The following PLCB3 variants were observed in gnomAD, a reference collection of about 807,000 sequenced individuals.
The protein encoded by PLCB3 is 1-phosphatidylinositol 4,5-bisphosphate phosphodiesterase beta-3.
In PLCB3, 54 loss-of-function variants were observed where a neutral mutation model predicts 152.1. The ratio of observed to expected loss-of-function variants is 0.36; its 90% CI spans 0.29 to 0.45. The LOEUF (loss-of-function observed/expected upper bound fraction) is 0.45, where lower values mean the gene tolerates loss of function less well. Among genes scored for constraint, PLCB3 ranks in the 20% least tolerant of loss-of-function variants. The pLI is 1.00. For missense variants in PLCB3, 1,248 were observed against 1,687.5 expected (o/e 0.74, Z 4.56); for synonymous variants, 717 against 698.7 (o/e 1.03, Z -0.41).
At position 64,255,639 on chromosome 11, in the gene PLCB3, C is replaced by CCGGGGGG; in HGVS notation, c.597+23_597+24insCGGGGGG. ...CGGGTGTGTGGGGTGGGGACAGGGG[C>CCGGGGGG]GGGGTGGGGTGTCACGGTGGGCACC... On this transcript the variant is annotated intron_variant, in intron 7 of 30. Transcript: ENST00000279230. The surrounding 1 kb of genome is among the most constrained non-coding windows in gnomAD (Gnocchi z 6.8). 9.3e-6 allele frequency: 6 copies of CCGGGGGG among 645,416 alleles called. No homozygotes were observed. Among genetic ancestry groups the CCGGGGGG allele is most frequent in the Non-Finnish European group, 1.6e-5 (6 of 370,668 alleles). 40.0% of individuals were successfully genotyped at this position (645,416 alleles called of 1,614,324 possible).
chr11:64,254,560 T>G, intron 2 of PLCB3, 68 bp downstream of exon 2: 1 of 1,494,850 alleles, frequency 6.7e-7, no homozygotes, highest in Non-Finnish European at 9.3e-7. Flanking sequence ...GCCCTGCCCG[T>G]GGGGGTGGGG....
At chr11:64,259,297 T>G (rs1309191513) in intron 13 of PLCB3, 53 bp downstream of exon 13, 1 of 1,357,108 alleles carries the variant, frequency 7.4e-7, no homozygotes, top group Non-Finnish European at 9.8e-7. Context: ...TCTGGCCTCA[T>G]GCTCCAGGCG....
rs764088746 is a variant in PLCB3, at chr11:64,256,757, T to C, written c.1005T>C (p.Tyr335=). ...TCATCAACTCCTCGCATAACACCTA[T>C]CTCACTGGTGAGTGGGGAGCAAGGG... ...AYFINSSHNT[Y]LTAGQLAGTS... The change falls in exon 10 of 31, where the codon TAT becomes TAC. Residue 335 remains tyrosine, a synonymous_variant. Transcript: ENST00000279230. The C allele has an allele frequency of 2.4e-5, 39 of 1,614,006 alleles. No individual in the cohort carries two copies. In the East Asian group the frequency reaches 8.7e-4, roughly 36 times the overall value.
At chr11:64,253,677 T>G (rs561662638) in intron 1 of PLCB3, among the ~76,000 whole-genome samples, 91 of 152,100 alleles carry the variant, frequency 6.0e-4, no homozygotes, top group Non-Finnish European at 8.1e-4. Flanking sequence ...GTGGCCCTGG[T>G]AGTGTGCCAG....
rs1010470631 is a variant in PLCB3 at position 64,264,063 on chromosome 11, T to C, written c.2603T>C (p.Leu868Pro). 9.0e-6 allele frequency: 14 copies of C among 1,563,788 alleles called. No homozygotes were observed. The highest frequency in any genetic ancestry group is 1.4e-5 in the African/African-American group (1 of 72,922). Residue 868 changes from leucine (L) to proline (P), a missense_variant, in exon 22 of 31, where the codon CTG (leucine) becomes CCG (proline). Around this residue, in one of 6 missense-constraint regions of PLCB3, gnomAD observed 244 missense variants for 424.4 expected, o/e 0.57. Coordinates refer to ENST00000279230, the MANE Select transcript of PLCB3 (RefSeq NM_000932.5). ...ALINPIKHVS[L>P]MDQRARQLAA... Reference sequence around the variant, plus strand: ...ATCAACCCCATTAAGCACGTCAGCCTGATGGACCAGAGGGCCCGGCAGCTG... The same window carrying C: ...ATCAACCCCATTAAGCACGTCAGCCCGATGGACCAGAGGGCCCGGCAGCTG...
chr11:64,261,555 A>G, intron 15 of PLCB3, 26 bp from the exon 16 acceptor site: 2 of 1,613,390 alleles, frequency 1.2e-6, no homozygotes, highest in Non-Finnish European at 8.5e-7. Flanking sequence ...GCCAGGTCTG[A>G]CGCCCTTTCT....
chr11:64,267,319 G>A lies in PLCB3; in HGVS notation c.3502-34G>A, dbSNP rs752585264. 6.5e-7 allele frequency: 1 copy of A among 1,550,252 alleles called. No homozygotes were observed. Among genetic ancestry groups the A allele is most frequent in the Non-Finnish European group, 8.7e-7 (1 of 1,146,492 alleles). ...GGGCAGACGGGGTGCAAGGCAGCCAGGCCTCGCCTGTGATGCCCATCCTTC... is the reference window on the plus strand; with the variant it reads ...GGGCAGACGGGGTGCAAGGCAGCCAAGCCTCGCCTGTGATGCCCATCCTTC... On this transcript the variant is annotated intron_variant, in intron 30 of 30. Coordinates refer to ENST00000279230, the MANE Select transcript of PLCB3 (RefSeq NM_000932.5). This position sits in a 1 kb window ranked among gnomAD's most constrained non-coding sequence, Gnocchi z 5.2.
rs370354038 is a variant in PLCB3 at position 64,263,473 on chromosome 11, G to A, written c.2356-25G>A. 7.0e-5 allele frequency: 105 copies of A among 1,504,030 alleles called. No homozygotes were observed. In the East Asian group the frequency reaches 7.1e-4, roughly 10 times the overall value. 93.2% of individuals were successfully genotyped at this position (1,504,030 alleles called of 1,614,324 possible). A position where few individuals can be genotyped will look rare whatever the true frequency, so the allele number is the denominator to read the frequency against. On this transcript the variant is annotated intron_variant, in intron 19 of 30. Coordinates refer to ENST00000279230, the MANE Select transcript of PLCB3 (RefSeq NM_000932.5). ...CACAGTGGCCCAGGGTCAGCCCTGT[G>A]GCTCAGCTCCAGTCTGGCCCACAGG...
Position 64,267,173 on chromosome 11 carries a change from C to A in PLCB3, c.3415-12C>A. ...CAGGGCCCCTCAGCTGAGCCCTTGC[C>A]CACCCCTGTAGCTGGAGGAGGCCCA... On this transcript the variant is annotated splice_polypyrimidine_tract_variant and intron_variant, in intron 29 of 30. Transcript: ENST00000279230. The surrounding 1 kb of genome is among the most constrained non-coding windows in gnomAD (Gnocchi z 5.2). 1 of 1,549,472 alleles carries A rather than the reference C, an allele frequency of 6.5e-7. No homozygotes were observed. Among genetic ancestry groups the A allele is most frequent in the Non-Finnish European group, 8.7e-7 (1 of 1,146,800 alleles).
In PLCB3 at chr11:64,266,848, G is replaced by A. The variant is rs900686825; in HGVS notation, c.3414+296G>A. On this transcript the variant is annotated intron_variant, in intron 29 of 30. Coordinates refer to ENST00000279230, the MANE Select transcript of PLCB3 (RefSeq NM_000932.5). The surrounding 1 kb of genome is among the most constrained non-coding windows in gnomAD (Gnocchi z 4.9). ...AGAGTCTCACTCTGTCGCCCAGGCT[G>A]GAGTGCAGTGGCGCGATCTTGGCTC... 2.0e-4 allele frequency among the ~76,000 whole-genome samples: 30 copies of A among 151,894 alleles called. No individual in the cohort carries two copies. The highest frequency in any genetic ancestry group is 7.0e-4 in the African/African-American group (29 of 41,322).
chr11:64,256,888 G>C (rs940706512), intron 10 of PLCB3, 124 bp downstream of exon 10: 1 of 1,112,666 alleles, frequency 9.0e-7, no homozygotes, highest in African/African-American at 1.5e-5. Flanking sequence ...TGGGGATGCA[G>C]GCAGGGAACA....
intron 1 of PLCB3, among the ~76,000 whole-genome samples, chr11:64,253,405 G>A (rs576849247): frequency 6.8e-4 from 103 of 152,346 alleles, no homozygotes; most frequent in African/African-American, 2.4e-3. Context: ...TTGTGTGCTC[G>A]AAGATGCTAG....
chr11:64,256,368 C>A lies in PLCB3; in HGVS notation c.699-8C>A. The A allele has an allele frequency of 7.4e-6, 12 of 1,612,198 alleles. No homozygotes were observed. The highest frequency in any genetic ancestry group is 1.0e-5 in the Non-Finnish European group (12 of 1,179,508). On this transcript the variant is annotated splice_region_variant and splice_polypyrimidine_tract_variant and intron_variant, in intron 8 of 30. Transcript: ENST00000279230. ...CTCCATCCTGACCCAGCTTCCTGTC[C>A]CCTCCAGAGGCGCCAAGGGCAAGCC...
intron 1 of PLCB3, among the ~76,000 whole-genome samples, chr11:64,253,562 C>G (rs1338282327): frequency 6.6e-6 from 1 of 152,192 alleles, no homozygotes; most frequent in Non-Finnish European, 1.5e-5. Flanking sequence ...CTGGAAGAAC[C>G]TGGAATAGGA....
chr11:64,265,445 T>G lies in PLCB3; in HGVS notation c.2978T>G (p.Leu993Arg). ...RKAVTLTRRL[L>R]DGLAQAQAEG... is the part of the protein sequence containing the mutation. ...GCAGTCACCCTCACCCGCCGCCTGC[T>G]GGATGGCCTGGCTCAGGCACAGGCT... Residue 993 changes from leucine (L) to arginine (R), a missense_variant, in exon 25 of 31, where the codon CTG (leucine) becomes CGG (arginine). By Grantham distance (102) the Leu-to-Arg change is moderately radical (BLOSUM62 -2). This residue lies in a region of PLCB3 where 477 missense variants were observed against 489.6 expected (regional missense o/e 0.97). Transcript: ENST00000279230. 1.2e-6 allele frequency: 2 copies of G among 1,610,252 alleles called. No individual in the cohort carries two copies. The highest frequency in any genetic ancestry group is 1.7e-6 in the Non-Finnish European group (2 of 1,179,820).
rs752205723 is a variant in PLCB3 at position 64,255,074 on chromosome 11, T to C, written c.387+36T>C. The C allele has an allele frequency of 2.8e-5, 44 of 1,571,960 alleles. No homozygotes were observed. The highest frequency in any genetic ancestry group is 2.7e-5 in the African/African-American group (2 of 74,128). On this transcript the variant is annotated intron_variant, in intron 4 of 30. Coordinates refer to ENST00000279230, the MANE Select transcript of PLCB3 (RefSeq NM_000932.5). This position sits in a 1 kb window ranked among gnomAD's most constrained non-coding sequence, Gnocchi z 6.8. ...ACCAAGGGGACGAAGGGGGAGTCAC[T>C]GTCTTATTCTGTGAGTCGGCCGTCA...
chr11:64,259,327 A>G (rs2031721798), intron 13 of PLCB3, 83 bp downstream of exon 13: 1 of 1,140,966 alleles, frequency 8.8e-7, no homozygotes, highest in South Asian at 1.6e-5. Flanking sequence ...TTCATCCCAG[A>G]CCCCCAGCCC....
rs149231506 is a variant in PLCB3 at position 64,254,750 on chromosome 11, G to A, written c.180G>A (p.Glu60=). Residue 60 remains glutamate (E), a splice_region_variant and synonymous_variant, in exon 3 of 31, where the codon GAG becomes GAA. Coordinates refer to ENST00000279230, the MANE Select transcript of PLCB3 (RefSeq NM_000932.5). ...GCCTGGCATCTGGTTCCCCCCAGGAGGTGGACACACTGGACATCAGTTCCA... is the reference window on the plus strand; with the variant it reads ...GCCTGGCATCTGGTTCCCCCCAGGAAGTGGACACACTGGACATCAGTTCCA... The part of the protein sequence containing the change: ...FFLYWTGPNM[E]VDTLDISSIR... 2,553 of 1,612,852 alleles carry A rather than the reference G, an allele frequency of 1.6e-3. 33 individuals are homozygous for A. In the South Asian group the frequency reaches 0.021, roughly 14 times the overall value.
chr11:64,257,016 T>TTTC (rs1555061405), intron 10 of PLCB3, among the ~76,000 whole-genome samples: 14,998 of 120,492 alleles, frequency 0.12, 1,251 homozygotes, highest in Non-Finnish European at 0.18. Flanking sequence ...TTTTTTTTTT[T>TTTC]TTTTTGAGAC....
Sources: allele counts gnomAD v4.1 joint callset (sites outside exome capture counted in the v4.1 genomes callset), GRCh38; gene constraint gnomAD v4.1.1; regional missense constraint gnomAD v4.1.1; non-coding constraint Gnocchi (gnomAD v3.1); transcripts MANE v1.5; gene names NCBI Gene and HGNC (gene_info 2026-07-23, HGNC 2026-07-21).